The following PTPRJ variants were observed in gnomAD, a reference collection of about 807,000 sequenced individuals.
The protein encoded by PTPRJ is receptor-type tyrosine-protein phosphatase eta.
A neutral mutation model predicts 141.3 loss-of-function variants in PTPRJ; 129 were observed. That is an observed-to-expected ratio of 0.91 (90% CI 0.79 to 1.06). The LOEUF (loss-of-function observed/expected upper bound fraction) is 1.06. PTPRJ is among the 50% of genes least tolerant of loss of function. The pLI, the probability that PTPRJ is intolerant of heterozygous loss-of-function variation, is 0.00. For missense variants in PTPRJ, 1,601 were observed against 1,679.7 expected, an observed-to-expected ratio of 0.95 and a Z score of 0.82; for synonymous variants, 610 against 640.5, an observed-to-expected ratio of 0.95 and a Z score of 0.72.
chr11:48,059,591 C>T (rs1854863788), intron 1 of PTPRJ, among the ~76,000 whole-genome samples: 1 of 152,218 alleles, frequency 6.6e-6, no homozygotes, highest in Non-Finnish European at 1.5e-5. Context: ...GTAACAAATA[C>T]TGAAGGTTGT....
rs1475318864 is a variant in PTPRJ at position 48,136,994 on chromosome 11, A to T, written c.1874-9A>T. 4 of 1,570,640 alleles carry T rather than the reference A, an allele frequency of 2.5e-6. No homozygotes were observed. The highest frequency in any genetic ancestry group is 1.8e-5 in the Admixed American group (1 of 55,614). On this transcript the variant is annotated splice_polypyrimidine_tract_variant and intron_variant, in intron 9 of 24. Transcript: ENST00000418331. ...CTTTTACATGAATTGCCTTTTTTTT[A>T]AAATCAAGGGCCCAGCAATGTGTCC...
intron 1 of PTPRJ, among the ~76,000 whole-genome samples, chr11:48,109,235 T>A (rs1856375280): frequency 6.6e-6 from 1 of 152,074 alleles, no homozygotes; most frequent in Admixed American, 6.6e-5. Flanking sequence ...GGACGGTTTT[T>A]TCCACCAGGG....
intron 22 of PTPRJ, among the ~76,000 whole-genome samples, chr11:48,160,512 T>C (rs1857740981): frequency 6.6e-6 from 1 of 152,210 alleles, no homozygotes; most frequent in Non-Finnish European, 1.5e-5. Context: ...CAAAAGCAAA[T>C]CCAATTAAAT....
chr11:48,162,423 C>T (rs1307424389), intron 22 of PTPRJ, among the ~76,000 whole-genome samples: 2 of 151,656 alleles, frequency 1.3e-5, no homozygotes, highest in East Asian at 3.9e-4. Context: ...TTTTCTTCCT[C>T]TTCCCCCACC....
intron 1 of PTPRJ, among the ~76,000 whole-genome samples, chr11:48,014,161 C>G (rs1392332199): frequency 1.3e-5 from 2 of 152,112 alleles, no homozygotes; most frequent in Non-Finnish European, 2.9e-5. Flanking sequence ...GTAGTGGCCC[C>G]TTTCCTTGTT....
intron 8 of PTPRJ, 123 bp downstream of exon 8, chr11:48,130,839 T>G: frequency 9.0e-7 from 1 of 1,109,636 alleles, no homozygotes; most frequent in South Asian, 2.0e-5. Context: ...CTTTAAAAAT[T>G]TTCATAACAC....
chr11:48,111,280 C>CAA lies in PTPRJ; in HGVS notation c.115+1227_115+1228dup, dbSNP rs10554961. ...GGGCAACAAGAGTGAAACTCCATCT[C>CAA]AAAAAAAAAAAAAAAAAAAAAAAAT... On this transcript the variant is annotated intron_variant, in intron 2 of 24. Coordinates refer to ENST00000418331, the MANE Select transcript of PTPRJ (RefSeq NM_002843.4). Among the ~76,000 whole-genome samples, 584 of 67,146 alleles carry CAA rather than the reference C, an allele frequency of 8.7e-3. 8 individuals carry two copies. The highest frequency in any genetic ancestry group is 0.031 in the African/African-American group (501 of 16,278). The allele number at this position is 67,146 out of a possible 152,430, so 44.1% of individuals were successfully genotyped here.
At chr11:48,039,284 T>C (rs1027615831) in intron 1 of PTPRJ, among the ~76,000 whole-genome samples, 7 of 151,594 alleles carry the variant, frequency 4.6e-5, no homozygotes, top group African/African-American at 1.7e-4. Context: ...TATCTACCCA[T>C]GAGATAGGGT....
intron 1 of PTPRJ, among the ~76,000 whole-genome samples, chr11:48,086,761 C>T (rs1480618994): frequency 6.6e-6 from 1 of 152,188 alleles, no homozygotes; most frequent in Non-Finnish European, 1.5e-5. Flanking sequence ...GTTTTAGTTG[C>T]TCTTCTATAA....
chr11:48,062,354 A>G (rs1356066529), intron 1 of PTPRJ, among the ~76,000 whole-genome samples: 1 of 152,106 alleles, frequency 6.6e-6, no homozygotes, highest in Non-Finnish European at 1.5e-5. Flanking sequence ...TCTACTAAAA[A>G]TACAAATAAT....
Position 47,980,576 on chromosome 11 carries a change from G to A in PTPRJ, c.-337G>A, listed in dbSNP as rs1853867143. 2.0e-6 allele frequency: 2 copies of A among 983,014 alleles called. No homozygotes were observed. Among genetic ancestry groups the A allele is most frequent in the Non-Finnish European group, 1.2e-6 (1 of 829,024 alleles). The allele number at this position is 983,014 out of a possible 1,614,324, so 60.9% of individuals were successfully genotyped here. A position where few individuals can be genotyped will look rare whatever the true frequency, so the allele number is the denominator to read the frequency against. Reference sequence around the variant, plus strand: ...CCTGCAGCAGCCCCAGCCGCATGACGCGCGGAGGAGGCAGCGGGAGCAGCC... The same window carrying A: ...CCTGCAGCAGCCCCAGCCGCATGACACGCGGAGGAGGCAGCGGGAGCAGCC... On this transcript the variant is annotated 5_prime_UTR_variant, in exon 1 of 25. Transcript: ENST00000418331.
intron 1 of PTPRJ, among the ~76,000 whole-genome samples, chr11:48,063,566 C>T (rs926200736): frequency 3.3e-5 from 5 of 152,188 alleles, no homozygotes; most frequent in Admixed American, 3.3e-4. Flanking sequence ...AGTGTCCCAA[C>T]AGGCTGCTGG....
intron 21 of PTPRJ, among the ~76,000 whole-genome samples, 190 bp downstream of exon 21, chr11:48,156,309 A>G (rs905786698): frequency 6.6e-6 from 1 of 152,090 alleles, no homozygotes; most frequent in Admixed American, 6.5e-5. Context: ...AAACAATTCT[A>G]TTTTGTCATT....
intron 1 of PTPRJ, among the ~76,000 whole-genome samples, chr11:48,011,411 T>C (rs1854783131): frequency 6.6e-6 from 1 of 152,150 alleles, no homozygotes; most frequent in Admixed American, 6.6e-5. Flanking sequence ...TGGAGTCACT[T>C]AAGAAAGTAA....
rs1297528388 is a variant in PTPRJ at position 48,121,261 on chromosome 11, T to C, written c.611T>C (p.Ile204Thr). 1.9e-6 allele frequency: 3 copies of C among 1,613,602 alleles called. No individual in the cohort carries two copies. The highest frequency in any genetic ancestry group is 2.2e-5 in the East Asian group (1 of 44,878). Residue 204 changes from isoleucine to threonine, a missense_variant, in exon 4 of 25, where the codon ATC (isoleucine) becomes ACC (threonine). Ile to Thr is a moderately conservative substitution (Grantham distance 89). Transcript: ENST00000418331. ...GGAGATCCCAGAGTCATAAAAGTCA[T>C]CACAGGTAAGATGACTGGCTCCCAG... ...TWGDPRVIKVITEPIPVSDLR... is the reference protein window; with the variant it reads ...TWGDPRVIKVTTEPIPVSDLR...
intron 14 of PTPRJ, among the ~76,000 whole-genome samples, chr11:48,146,198 C>T (rs553570826): frequency 3.0e-4 from 45 of 152,226 alleles, no homozygotes; most frequent in African/African-American, 9.9e-4. Context: ...CAGGGTTACA[C>T]GATGGCTTTA....
In PTPRJ at chr11:48,123,762, C is replaced by A; in HGVS notation, c.766C>A (p.Gln256Lys). Residue 256 changes from glutamine to lysine, a missense_variant, in exon 5 of 25, where the codon CAG becomes AAG. Transcript: ENST00000418331. ...HEELTQDSRL[Q>K]VNISGLKPGV... Reference sequence around the variant, plus strand: ...GGAGTTGACTCAAGACTCAAGACTTCAGGTCAATATCTCGGGCCTGAAGCC... The same window carrying A: ...GGAGTTGACTCAAGACTCAAGACTTAAGGTCAATATCTCGGGCCTGAAGCC... 1 of 1,614,090 alleles carries A rather than the reference C, an allele frequency of 6.2e-7. No homozygotes were observed. Among genetic ancestry groups the A allele is most frequent in the South Asian group, 1.1e-5 (1 of 91,074 alleles).
Position 48,123,992 on chromosome 11 carries a change from C to T in PTPRJ, c.874+122C>T, listed in dbSNP as rs557887157. On this transcript the variant is annotated intron_variant, in intron 5 of 24. Coordinates refer to ENST00000418331, the MANE Select transcript of PTPRJ (RefSeq NM_002843.4). ...ATTTAGAATTTATAAAGGGCTTTTC[C>T]TCCACATTTTAGTTTGATCCCCCAC... 13 of 1,198,520 alleles carry T rather than the reference C, an allele frequency of 1.1e-5. No individual in the cohort carries two copies. In the South Asian group the frequency reaches 1.9e-4, roughly 18 times the overall value. 74.2% of individuals were successfully genotyped at this position (1,198,520 alleles called of 1,614,324 possible).
intron 1 of PTPRJ, among the ~76,000 whole-genome samples, chr11:48,097,756 C>T (rs1856049550): frequency 6.6e-6 from 1 of 152,100 alleles, no homozygotes. Flanking sequence ...CCAGGCTAGT[C>T]TCAAACTCCT....
Sources: gnomAD v4.1 joint callset for allele counts (sites outside exome capture counted in the v4.1 genomes callset) on GRCh38, gnomAD v4.1.1 for gene constraint, MANE v1.5 for transcripts, NCBI Gene and HGNC (gene_info 2026-07-23, HGNC 2026-07-21) for gene names.